The following COL19A1 variants were observed in gnomAD, a reference collection of about 807,000 sequenced individuals.
The protein encoded by COL19A1 is collagen alpha-1(XIX) chain.
In COL19A1, 159 loss-of-function variants were observed where a neutral mutation model predicts 190.2. That is an observed-to-expected ratio of 0.84 (90% CI 0.73 to 0.95). The LOEUF is 0.95. COL19A1 is among the 40% of genes least tolerant of loss of function. The probability of loss-of-function intolerance (pLI) is 0.00; values close to 1 mark genes in which losing one functional copy is unlikely to be tolerated. For synonymous variants in COL19A1, 509 were observed against 458.9 expected, an observed-to-expected ratio of 1.11 and a Z score of -1.39; for missense variants, 1,418 against 1,431.9, an observed-to-expected ratio of 0.99 and a Z score of 0.16.
Position 70,183,149 on chromosome 6 carries a change from C to T in COL19A1, c.2776-1554C>T, listed in dbSNP as rs112327742. ...CAAATTGGGAAATACAGAGGGATGG[C>T]CTGGTAATGCTGAGGGTGCTGCTTG... On this transcript the variant is annotated intron_variant, in intron 44 of 50. Transcript: ENST00000620364. 9.9e-3 allele frequency among the ~76,000 whole-genome samples: 1,508 copies of T among 152,138 alleles called. 20 individuals carry two copies. Among genetic ancestry groups the T allele is most frequent in the Middle Eastern group, 0.014 (4 of 294 alleles).
intron 27 of COL19A1, among the ~76,000 whole-genome samples, chr6:70,147,651 G>A (rs923009906): frequency 2.0e-5 from 3 of 152,082 alleles, no homozygotes; most frequent in Admixed American, 6.6e-5. Flanking sequence ...CCAGCTGTGT[G>A]GGGTTTTTTT....
At chr6:70,069,062 C>T (rs1781408749) in intron 15 of COL19A1, among the ~76,000 whole-genome samples, 1 of 152,054 alleles carries the variant, frequency 6.6e-6, no homozygotes, top group Non-Finnish European at 1.5e-5. Context: ...GCAGTGGGGA[C>T]CCCATTCTTG....
At chr6:69,955,522 AGTGTGTGTGT>A (rs60501043) in intron 9 of COL19A1, among the ~76,000 whole-genome samples, 64 of 138,958 alleles carry the variant, frequency 4.6e-4, no homozygotes, top group East Asian at 6.4e-4. Context: ...GCCACAGCAA[AGTGTGTGTGT>A]GTGTGTGTGT....
At chr6:70,144,147 T>G in intron 23 of COL19A1, 63 bp from the exon 24 acceptor site, 2 of 1,362,496 alleles carry the variant, frequency 1.5e-6, no homozygotes, top group South Asian at 1.2e-5. Context: ...TTCACAGATA[T>G]AGGGAAATGT....
chr6:69,882,791 G>GA (rs1343995229), intron 2 of COL19A1, among the ~76,000 whole-genome samples: 3 of 151,996 alleles, frequency 2.0e-5, no homozygotes, highest in Non-Finnish European at 2.9e-5. Flanking sequence ...GAATTACAAG[G>GA]AAAAAAACCT....
intron 41 of COL19A1, among the ~76,000 whole-genome samples, chr6:70,173,039 A>G (rs1765589540): frequency 6.6e-6 from 1 of 152,228 alleles, no homozygotes; most frequent in South Asian, 2.1e-4. Context: ...AAGAGGAGTC[A>G]AACACGAACT....
At chr6:70,110,362 C>A (rs1784215819) in intron 16 of COL19A1, among the ~76,000 whole-genome samples, 1 of 152,038 alleles carries the variant, frequency 6.6e-6, no homozygotes, top group African/African-American at 2.4e-5. Context: ...AAAGTCTGTG[C>A]AATGTAATAT....
chr6:70,172,329 G>C (rs1765546951), intron 41 of COL19A1, among the ~76,000 whole-genome samples: 3 of 152,022 alleles, frequency 2.0e-5, no homozygotes, highest in South Asian at 4.1e-4. Context: ...GAGAGGGAGA[G>C]CCAAGTCCCC....
chr6:70,070,343 A>T (rs1781475346), intron 15 of COL19A1, among the ~76,000 whole-genome samples: 1 of 152,144 alleles, frequency 6.6e-6, no homozygotes, highest in Non-Finnish European at 1.5e-5. Context: ...TTTTATGTAA[A>T]TTTACTCCAT....
intron 14 of COL19A1, among the ~76,000 whole-genome samples, chr6:70,036,966 A>G (rs1323625598): frequency 6.6e-6 from 1 of 152,212 alleles, no homozygotes; most frequent in Non-Finnish European, 1.5e-5. Flanking sequence ...CAACTCCCAC[A>G]TAAACAAATG....
intron 1 of COL19A1, 23 bp from the exon 2 acceptor site, chr6:69,879,512 CA>C: frequency 2.8e-6 from 4 of 1,453,866 alleles, no homozygotes; most frequent in Non-Finnish European, 3.8e-6. Context: ...AAACTTTATT[CA>C]AATTTTTTTT....
At chr6:70,168,420 T>C (rs1765297260) in intron 39 of COL19A1, among the ~76,000 whole-genome samples, 1 of 152,204 alleles carries the variant, frequency 6.6e-6, no homozygotes, top group East Asian at 1.9e-4. Context: ...TTTTTCATGG[T>C]GGTGTCACTT....
At chr6:69,889,474 T>A (rs1165045583) in intron 2 of COL19A1, among the ~76,000 whole-genome samples, 1 of 152,216 alleles carries the variant, frequency 6.6e-6, no homozygotes, top group African/African-American at 2.4e-5. Context: ...AAGTGGGGAC[T>A]TGGAGAACTT....
intron 48 of COL19A1, among the ~76,000 whole-genome samples, chr6:70,198,371 T>C (rs1167713690): frequency 6.6e-6 from 1 of 152,312 alleles, no homozygotes; most frequent in East Asian, 1.9e-4. Flanking sequence ...TTTGAAAAAT[T>C]GTGTGTAAAT....
chr6:70,185,773 A>T (rs888667000), intron 46 of COL19A1, among the ~76,000 whole-genome samples: 38 of 152,302 alleles, frequency 2.5e-4, no homozygotes, highest in African/African-American at 7.9e-4. Flanking sequence ...AAGGGTTGCT[A>T]TTGTATGTGA....
At chr6:70,124,956 C>A (rs1420900483) in intron 17 of COL19A1, among the ~76,000 whole-genome samples, 2 of 152,102 alleles carry the variant, frequency 1.3e-5, no homozygotes, top group Non-Finnish European at 2.9e-5. Context: ...AGCACCCACA[C>A]TGCCCCATGC....
chr6:70,199,412 C>T (rs939469104), intron 48 of COL19A1, among the ~76,000 whole-genome samples, 196 bp from the exon 49 acceptor site: 1 of 152,214 alleles, frequency 6.6e-6, no homozygotes, highest in Non-Finnish European at 1.5e-5. Context: ...AGCTGGTCTG[C>T]ATCTATACAC....
intron 4 of COL19A1, among the ~76,000 whole-genome samples, chr6:69,917,976 C>T (rs1014291842): frequency 6.6e-6 from 1 of 152,046 alleles, no homozygotes; most frequent in Non-Finnish European, 1.5e-5. Context: ...GAAAGACTGT[C>T]CCAGGAGAGG....
chr6:70,174,406 A>G (rs1765677330), intron 41 of COL19A1, among the ~76,000 whole-genome samples: 1 of 152,172 alleles, frequency 6.6e-6, no homozygotes, highest in Non-Finnish European at 1.5e-5. Context: ...CATCTCCACC[A>G]AAAATTAGCC....
Sources: allele counts gnomAD v4.1 joint callset (sites outside exome capture counted in the v4.1 genomes callset), GRCh38; gene constraint gnomAD v4.1.1; transcripts MANE v1.5; gene names NCBI Gene and HGNC (gene_info 2026-07-23, HGNC 2026-07-21).